ARMH3: variants seen among roughly 807,000 people sequenced by gnomAD.
The protein encoded by ARMH3 is armadillo-like helical domain-containing protein 3.
Under a neutral mutation model 99.1 loss-of-function variants are expected in ARMH3, and 60 were observed. That is an observed-to-expected ratio of 0.61 (90% CI 0.49 to 0.75). The LOEUF is 0.75. Among genes scored for constraint, ARMH3 ranks in the 30% least tolerant of loss-of-function variants. ARMH3 has a pLI of 0.00. For synonymous variants in ARMH3, 285 were observed against 292.8 expected, an observed-to-expected ratio of 0.97 and a Z score of 0.27; for missense variants, 679 against 843.1, an observed-to-expected ratio of 0.81 and a Z score of 2.41.
intron 2 of ARMH3, among the ~76,000 whole-genome samples, chr10:102,038,375 T>G (rs1371601757): frequency 7.2e-5 from 11 of 152,166 alleles, no homozygotes; most frequent in African/African-American, 2.4e-4. Context: ...ATTACAGGCA[T>G]GAGCCACCAC....
At chr10:101,884,186 G>T (rs1256424467) in intron 24 of ARMH3, among the ~76,000 whole-genome samples, 1 of 152,214 alleles carries the variant, frequency 6.6e-6, no homozygotes, top group African/African-American at 2.4e-5. Flanking sequence ...GAAGCAGAGA[G>T]AAAGTAGCCT....
chr10:101,888,376 A>G (rs2067603418), intron 24 of ARMH3, among the ~76,000 whole-genome samples: 1 of 152,238 alleles, frequency 6.6e-6, no homozygotes, highest in South Asian at 2.1e-4. Context: ...ACAAAAGAGA[A>G]CAAATATGTC....
intron 19 of ARMH3, among the ~76,000 whole-genome samples, chr10:101,986,009 C>CTT: frequency 6.6e-6 from 1 of 151,758 alleles, no homozygotes; most frequent in South Asian, 2.1e-4. Flanking sequence ...CACAGAGACT[C>CTT]TGTCTCAAAA....
chr10:101,937,626 T>G (rs1284721812), intron 23 of ARMH3, among the ~76,000 whole-genome samples: 1 of 152,202 alleles, frequency 6.6e-6, no homozygotes, highest in African/African-American at 2.4e-5. Context: ...AAGACTCAGT[T>G]TCCTCACTGG....
intron 21 of ARMH3, 23 bp downstream of exon 21, chr10:101,957,627 G>A: frequency 1.3e-6 from 2 of 1,586,096 alleles, no homozygotes; most frequent in Non-Finnish European, 1.7e-6. Context: ...TTCAGAAAAA[G>A]AAGTATTTGT....
chr10:101,945,751 T>C (rs2135746345), intron 22 of ARMH3, among the ~76,000 whole-genome samples: 1 of 150,410 alleles, frequency 6.6e-6, no homozygotes, highest in African/African-American at 2.4e-5. Context: ...CAGAAGATTA[T>C]AACCAATCTC....
chr10:101,853,395 C>T (rs574887354), intron 24 of ARMH3, among the ~76,000 whole-genome samples: 29 of 152,296 alleles, frequency 1.9e-4, no homozygotes, highest in African/African-American at 6.7e-4. Flanking sequence ...TGGCCTGGGA[C>T]TTTGCTTTCT....
At chr10:101,987,650 TA>T (rs1846572772) in intron 19 of ARMH3, among the ~76,000 whole-genome samples, 1 of 152,228 alleles carries the variant, frequency 6.6e-6, no homozygotes, top group Admixed American at 6.5e-5. Context: ...GATTAGGTTA[TA>T]CATGATACTA....
intron 16 of ARMH3, 36 bp downstream of exon 16, chr10:101,995,261 A>G: frequency 6.3e-7 from 1 of 1,576,630 alleles, no homozygotes; most frequent in Non-Finnish European, 8.7e-7. Context: ...CACTTTGTAA[A>G]AGACTGCCTA....
intron 22 of ARMH3, among the ~76,000 whole-genome samples, chr10:101,949,138 AAAG>A (rs1258209905): frequency 6.6e-6 from 1 of 152,052 alleles, no homozygotes; most frequent in Non-Finnish European, 1.5e-5. Context: ...TATTAGAAAA[AAAG>A]AAAAGTCTCA....
chr10:101,934,795 T>A (rs532073812), intron 23 of ARMH3, among the ~76,000 whole-genome samples: 1 of 152,302 alleles, frequency 6.6e-6, no homozygotes, highest in African/African-American at 2.4e-5. Context: ...TAGTTTACTA[T>A]CTTTCTCTCT....
intron 24 of ARMH3, among the ~76,000 whole-genome samples, chr10:101,861,193 T>A (rs2066857844): frequency 6.6e-6 from 1 of 151,820 alleles, no homozygotes; most frequent in Non-Finnish European, 1.5e-5. Context: ...AATAGTAAAA[T>A]CAGCTAGAGA....
At chr10:102,048,497 G>C (rs2067611302) in intron 1 of ARMH3, among the ~76,000 whole-genome samples, 1 of 152,214 alleles carries the variant, frequency 6.6e-6, no homozygotes, top group Admixed American at 6.5e-5. Context: ...CACGATTTCA[G>C]TTCACTGCAA....
At chr10:101,962,334 C>T (rs1845334958) in intron 20 of ARMH3, among the ~76,000 whole-genome samples, 1 of 152,146 alleles carries the variant, frequency 6.6e-6, no homozygotes, top group South Asian at 2.1e-4. Flanking sequence ...TCATTTCCTC[C>T]AGAAGAATGA....
Position 101,956,653 on chromosome 10 carries a change from T to C in ARMH3, c.1649A>G (p.Glu550Gly). 1.2e-6 allele frequency: 2 copies of C among 1,613,802 alleles called. No individual in the cohort carries two copies. The highest frequency in any genetic ancestry group is 1.1e-5 in the South Asian group (1 of 91,060). The change falls in exon 22 of 26, where the codon GAA becomes GGA. Residue 550 changes from glutamate (E) to glycine (G), a missense_variant. Glu to Gly is a moderately conservative substitution (Grantham distance 98). Coordinates refer to ENST00000370033, the MANE Select transcript of ARMH3 (RefSeq NM_024541.3). Reference protein sequence around the residue: ...TFLPTPSSYDELYYEIIRMHQ... With the variant: ...TFLPTPSSYDGLYYEIIRMHQ... ...CATGCGGATAATCTCATAGTAAAGTTCATCATAGCTGCTGGGGGTTGGCAG... is the reference window on the plus strand; with the variant it reads ...CATGCGGATAATCTCATAGTAAAGTCCATCATAGCTGCTGGGGGTTGGCAG...
intron 4 of ARMH3, among the ~76,000 whole-genome samples, 166 bp from the exon 5 acceptor site, chr10:102,029,911 G>C (rs1422839831): frequency 1.3e-5 from 2 of 151,300 alleles, no homozygotes; most frequent in Non-Finnish European, 3.0e-5. Flanking sequence ...CGTTTGGTTC[G>C]GTTTTTTTGT....
intron 14 of ARMH3, among the ~76,000 whole-genome samples, chr10:102,005,257 C>A (rs771556905): frequency 2.0e-5 from 3 of 151,692 alleles, no homozygotes; most frequent in Non-Finnish European, 4.4e-5. Context: ...GTGGTACATG[C>A]CTGTAATCTC....
At chr10:101,921,219 A>C (rs1353640426) in intron 23 of ARMH3, among the ~76,000 whole-genome samples, 1 of 152,238 alleles carries the variant, frequency 6.6e-6, no homozygotes, top group Non-Finnish European at 1.5e-5. Context: ...CAAAAACCTG[A>C]TATTGAGTGA....
chr10:101,985,325 T>TATAC (rs1554883257), intron 19 of ARMH3, among the ~76,000 whole-genome samples: 1 of 149,640 alleles, frequency 6.7e-6, no homozygotes, highest in Non-Finnish European at 1.5e-5. Context: ...CATATATATA[T>TATAC]ACAGATCGCA....
Sources: gnomAD v4.1 joint callset for allele counts (sites outside exome capture counted in the v4.1 genomes callset) on GRCh38, gnomAD v4.1.1 for gene constraint, MANE v1.5 for transcripts, NCBI Gene and HGNC (gene_info 2026-07-23, HGNC 2026-07-21) for gene names.